WWOX: variants seen among roughly 807,000 people sequenced by gnomAD.
The protein encoded by WWOX is WW domain-containing oxidoreductase.
WWOX carries 69 observed loss-of-function variants against 46.2 expected under a neutral mutation model. The observed-to-expected ratio is 1.49, with a 90% CI of 1.23 to 1.82. WWOX has a LOEUF of 1.82. Ranked by LOEUF, WWOX falls within the 40% of genes most tolerant of loss-of-function variation. The probability of loss-of-function intolerance (pLI) is 0.00; values close to 1 mark genes in which losing one functional copy is unlikely to be tolerated. For missense variants in WWOX, 919 were observed against 542.6 expected (o/e 1.69, Z -6.89); for synonymous variants, 359 against 202.6 (o/e 1.77, Z -6.56).
chr16:78,198,491 G>A (rs2036127781), intron 5 of WWOX, among the ~76,000 whole-genome samples: 2 of 152,166 alleles, frequency 1.3e-5, no homozygotes, highest in African/African-American at 2.4e-5. Context: ...AAATACTGAT[G>A]GAGAATGGGC....
intron 4 of WWOX, 52 bp from the exon 5 acceptor site, chr16:78,164,131 C>T (rs1257788213): frequency 4.6e-6 from 7 of 1,517,300 alleles, no homozygotes; most frequent in East Asian, 2.3e-5. Context: ...TTCAACATGA[C>T]TCACTGTGTT....
intron 8 of WWOX, among the ~76,000 whole-genome samples, chr16:79,137,791 T>A (rs2050011633): frequency 6.6e-6 from 1 of 152,078 alleles, no homozygotes; most frequent in South Asian, 2.1e-4. Flanking sequence ...CTTCCTTGTA[T>A]CCTTAATGAC....
At chr16:78,754,242 G>C (rs2049576109) in intron 8 of WWOX, among the ~76,000 whole-genome samples, 1 of 152,008 alleles carries the variant, frequency 6.6e-6, no homozygotes, top group Non-Finnish European at 1.5e-5. Flanking sequence ...TTCTCTTCCT[G>C]AGATTCTTGC....
chr16:78,989,216 C>A (rs903526573), intron 8 of WWOX, among the ~76,000 whole-genome samples: 1 of 152,150 alleles, frequency 6.6e-6, no homozygotes, highest in Non-Finnish European at 1.5e-5. Flanking sequence ...TGGATGCCCC[C>A]ATCCACTAAC....
intron 8 of WWOX, among the ~76,000 whole-genome samples, chr16:78,978,286 C>G (rs916391285): frequency 2.6e-5 from 4 of 152,198 alleles, no homozygotes; most frequent in African/African-American, 9.7e-5. Context: ...TCTTGTGAAT[C>G]CATGCTGCTG....
chr16:78,384,961 C>A (rs944980489), intron 5 of WWOX, among the ~76,000 whole-genome samples: 1 of 152,074 alleles, frequency 6.6e-6, no homozygotes, highest in Admixed American at 6.6e-5. Context: ...TGGTGAAACC[C>A]CGTCTGTACT....
At chr16:78,768,279 TAAAAAAAAA>T (rs56280651) in intron 8 of WWOX, among the ~76,000 whole-genome samples, 13 of 91,958 alleles carry the variant, frequency 1.4e-4, no homozygotes, top group African/African-American at 4.0e-4. Context: ...ATAGATGAGT[TAAAAAAAAA>T]AAAAAAAAAA....
At chr16:79,166,949 T>A (rs1437231612) in intron 8 of WWOX, among the ~76,000 whole-genome samples, 3 of 152,112 alleles carry the variant, frequency 2.0e-5, no homozygotes, top group East Asian at 1.9e-4. Context: ...ATATAATAAT[T>A]ATTTTTTTTT....
At chr16:78,464,043 G>T (rs2738661) in intron 8 of WWOX, among the ~76,000 whole-genome samples, 49,855 of 151,942 alleles carry the variant, frequency 0.33, 10,479 homozygotes, top group African/African-American at 0.61. Flanking sequence ...TGTTGTAGAG[G>T]AGATGAAGCT....
intron 8 of WWOX, among the ~76,000 whole-genome samples, chr16:78,626,782 T>G (rs560017859): frequency 1.3e-5 from 2 of 152,224 alleles, no homozygotes; most frequent in South Asian, 4.1e-4. Context: ...TTGTGTCTTC[T>G]CCCCCATTTA....
At chr16:78,625,562 T>A (rs1000792835) in intron 8 of WWOX, among the ~76,000 whole-genome samples, 1 of 152,106 alleles carries the variant, frequency 6.6e-6, no homozygotes, top group Admixed American at 6.5e-5. Flanking sequence ...TATCCTATTA[T>A]TTTAACGTCT....
At chr16:78,566,712 C>T (rs888095976) in intron 8 of WWOX, among the ~76,000 whole-genome samples, 8 of 152,158 alleles carry the variant, frequency 5.3e-5, no homozygotes, top group African/African-American at 1.7e-4. Context: ...ATTTTAGTGA[C>T]ACCAAAGTGG....
chr16:78,683,545 A>AC (rs2047780427), intron 8 of WWOX, among the ~76,000 whole-genome samples: 1 of 92,850 alleles, frequency 1.1e-5, no homozygotes, highest in Admixed American at 1.3e-4. Context: ...ATCTCAAAAA[A>AC]AAATAATAAA....
At chr16:78,906,587 G>A (rs2044971133) in intron 8 of WWOX, among the ~76,000 whole-genome samples, 1 of 152,196 alleles carries the variant, frequency 6.6e-6, no homozygotes, top group African/African-American at 2.4e-5. Context: ...CAGGGGAAGA[G>A]GGAGAACCTG....
intron 8 of WWOX, among the ~76,000 whole-genome samples, chr16:79,024,311 T>C (rs939721905): frequency 6.6e-6 from 1 of 152,234 alleles, no homozygotes; most frequent in Non-Finnish European, 1.5e-5. Flanking sequence ...TAGGTTGTGG[T>C]GCAGTGGCAC....
At chr16:78,768,082 G>A (rs896240886) in intron 8 of WWOX, among the ~76,000 whole-genome samples, 1 of 151,642 alleles carries the variant, frequency 6.6e-6, no homozygotes, top group East Asian at 1.9e-4. Flanking sequence ...TAGCTGTATT[G>A]TATTCTTATT....
intron 8 of WWOX, among the ~76,000 whole-genome samples, chr16:79,021,937 C>A (rs561784831): frequency 1.3e-5 from 2 of 152,208 alleles, no homozygotes; most frequent in African/African-American, 4.8e-5. Context: ...ACCCAGTTCA[C>A]TGAGAGTTAA....
chr16:78,607,095 T>C (rs80217248), intron 8 of WWOX, among the ~76,000 whole-genome samples: 6,702 of 152,068 alleles, frequency 0.044, 502 homozygotes, highest in African/African-American at 0.15. Flanking sequence ...TTGCCAGAAA[T>C]GGAATGATTC....
chr16:78,497,969 G>A (rs1467341986), intron 8 of WWOX, among the ~76,000 whole-genome samples: 4 of 152,096 alleles, frequency 2.6e-5, no homozygotes, highest in Non-Finnish European at 5.9e-5. Flanking sequence ...TTGGGAGGCC[G>A]AGGTGGGCGG....
Sources: gnomAD v4.1 joint callset for allele counts (sites outside exome capture counted in the v4.1 genomes callset) on GRCh38, gnomAD v4.1.1 for gene constraint, MANE v1.5 for transcripts, NCBI Gene and HGNC (gene_info 2026-07-23, HGNC 2026-07-21) for gene names.